The following MAPK4 variants were observed in gnomAD, a reference collection of about 807,000 sequenced individuals.
MAPK4 encodes mitogen-activated protein kinase 4.
In MAPK4, 22 loss-of-function variants were observed where a neutral mutation model predicts 47.7. The ratio of observed to expected loss-of-function variants is 0.46; its 90% CI spans 0.33 to 0.66. The LOEUF is 0.66. Ranked by LOEUF, MAPK4 falls within the 30% of genes least tolerant of loss-of-function variation. The probability of loss-of-function intolerance (pLI) is 0.02; values close to 1 mark genes in which losing one functional copy is unlikely to be tolerated. For synonymous variants in MAPK4, 390 were observed against 365.7 expected, an observed-to-expected ratio of 1.07 and a Z score of -0.76; for missense variants, 736 against 831.7, an observed-to-expected ratio of 0.88 and a Z score of 1.42.
At chr18:50,602,178 C>T (rs912483569) in intron 1 of MAPK4, among the ~76,000 whole-genome samples, 2 of 152,148 alleles carry the variant, frequency 1.3e-5, no homozygotes, top group African/African-American at 2.4e-5. Flanking sequence ...CAGATCTTCC[C>T]AGAGAGTCAC....
At chr18:50,693,965 C>CAGGAGCTGCTGT (rs1353596589) in intron 2 of MAPK4, among the ~76,000 whole-genome samples, 4 of 152,186 alleles carry the variant, frequency 2.6e-5, no homozygotes, top group Admixed American at 2.6e-4. Context: ...AGGAGGGTTG[C>CAGGAGCTGCTGT]AGGAGCTGCT....
At chr18:50,726,196 C>T (rs1911190193) in intron 5 of MAPK4, 21 bp downstream of exon 5, 1 of 1,610,120 alleles carries the variant, frequency 6.2e-7, no homozygotes, top group Non-Finnish European at 8.5e-7. Flanking sequence ...CCCTGGGTTC[C>T]AGAGCCCACA....
chr18:50,670,273 G>A (rs1336317894), intron 2 of MAPK4: 1 of 152,176 alleles, frequency 6.6e-6, no homozygotes, highest in Non-Finnish European at 1.5e-5. Flanking sequence ...AAGAAGGAAA[G>A]GAAGAGGAAG....
chr18:50,600,923 C>T (rs2042530843), intron 1 of MAPK4, among the ~76,000 whole-genome samples: 1 of 151,584 alleles, frequency 6.6e-6, no homozygotes, highest in East Asian at 1.9e-4. Context: ...TAAACTTGCA[C>T]ATTAAATGTT....
At chr18:50,721,026 G>C (rs186114203) in intron 3 of MAPK4, among the ~76,000 whole-genome samples, 1 of 152,312 alleles carries the variant, frequency 6.6e-6, no homozygotes, top group Admixed American at 6.5e-5. Flanking sequence ...TGAGGAAGGA[G>C]AGGTATGGCT....
At chr18:50,672,934 C>G (rs1175970620) in intron 2 of MAPK4, among the ~76,000 whole-genome samples, 3 of 152,204 alleles carry the variant, frequency 2.0e-5, no homozygotes, top group African/African-American at 4.8e-5. Flanking sequence ...TTCCCCCTTT[C>G]CAATGTGCCT....
chr18:50,643,076 C>T (rs1036379624), intron 1 of MAPK4, among the ~76,000 whole-genome samples: 4 of 152,228 alleles, frequency 2.6e-5, no homozygotes, highest in African/African-American at 9.6e-5. Flanking sequence ...TTTCCTCTAC[C>T]TCCCCAATAT....
chr18:50,702,774 T>C (rs1379345506), intron 2 of MAPK4, among the ~76,000 whole-genome samples: 1 of 152,172 alleles, frequency 6.6e-6, no homozygotes, highest in Non-Finnish European at 1.5e-5. Flanking sequence ...TGAACCAGCA[T>C]ACTTACTGCC....
In MAPK4 at chr18:50,686,946, T is replaced by TTG. The variant is rs756925613; in HGVS notation, c.546+22452_546+22453dup. On this transcript the variant is annotated intron_variant, in intron 2 of 5. Coordinates refer to ENST00000400384, the MANE Select transcript of MAPK4 (RefSeq NM_002747.4). ...AAGCCCAGATGGAGACGGCCAAGGA[T>TTG]TGTGTGTGTGTTTTATATATGTATG... Among the ~76,000 whole-genome samples the TTG allele has an allele frequency of 9.8e-5, 15 of 152,294 alleles. No homozygotes were observed. The South Asian group carries it at 1.2e-3, about 13-fold the overall frequency.
chr18:50,665,399 G>A (rs1907543633), intron 2 of MAPK4, among the ~76,000 whole-genome samples: 1 of 152,148 alleles, frequency 6.6e-6, no homozygotes, highest in Non-Finnish European at 1.5e-5. Context: ...GGGGCTGGCT[G>A]TGGCTTCCAG....
At chr18:50,637,059 G>A (rs893783800) in intron 1 of MAPK4, among the ~76,000 whole-genome samples, 2 of 151,444 alleles carry the variant, frequency 1.3e-5, no homozygotes, top group Non-Finnish European at 3.0e-5. Flanking sequence ...GCACTGGTGA[G>A]AACACTGGAC....
Position 50,664,080 on chromosome 18 carries a change from G to A in MAPK4, c.122G>A (p.Arg41Gln), listed in dbSNP as rs199879399. 3.3e-5 allele frequency: 54 copies of A among 1,613,878 alleles called. No homozygotes were observed. The highest frequency in any genetic ancestry group is 4.3e-5 in the Non-Finnish European group (51 of 1,180,032). ...TTGGTGCTGTCGGCCGTGGACAGCC[G>A]GGCCTGCCGGAAGGTCGCTGTGAAG... ...NGLVLSAVDS[R>Q]ACRKVAVKKI... Residue 41 changes from arginine (R) to glutamine (Q), a missense_variant, in exon 2 of 6, where the codon CGG (arginine) becomes CAG (glutamine). By Grantham distance (43) the Arg-to-Gln change is conservative (BLOSUM62 1). Around this residue, in one of 3 missense-constraint regions of MAPK4, gnomAD observed 327 missense variants for 395.4 expected, o/e 0.83. Transcript: ENST00000400384. The surrounding 1 kb of genome is among the most constrained non-coding windows in gnomAD (Gnocchi z 6.0).
At chr18:50,633,674 C>A (rs904503352) in intron 1 of MAPK4, among the ~76,000 whole-genome samples, 2 of 152,164 alleles carry the variant, frequency 1.3e-5, no homozygotes, top group Non-Finnish European at 2.9e-5. Context: ...CTTTGCACTG[C>A]CTAAGGGATA....
chr18:50,601,555 C>T (rs1316537994), intron 1 of MAPK4, among the ~76,000 whole-genome samples: 2 of 152,086 alleles, frequency 1.3e-5, no homozygotes, highest in Non-Finnish European at 2.9e-5. Flanking sequence ...TTTTGGGTGT[C>T]CTCCTGCAGG....
intron 1 of MAPK4, among the ~76,000 whole-genome samples, chr18:50,600,344 G>A (rs552961790): frequency 2.6e-5 from 4 of 152,240 alleles, no homozygotes; most frequent in Admixed American, 1.3e-4. Flanking sequence ...GAAACTAACC[G>A]ACACATAGCT....
intron 1 of MAPK4, among the ~76,000 whole-genome samples, chr18:50,567,401 C>T (rs953618607): frequency 5.9e-5 from 9 of 152,154 alleles, no homozygotes; most frequent in Non-Finnish European, 1.0e-4. Context: ...AAGTTTGCTC[C>T]TAATTTCTCC....
chr18:50,644,620 T>C (rs903108521), intron 1 of MAPK4, among the ~76,000 whole-genome samples: 1 of 152,130 alleles, frequency 6.6e-6, no homozygotes, highest in Non-Finnish European at 1.5e-5. Context: ...ATCGCCAAAA[T>C]AGCCAAAGTG....
At chr18:50,566,098 C>T (rs1353652574) in intron 1 of MAPK4, among the ~76,000 whole-genome samples, 5 of 151,992 alleles carry the variant, frequency 3.3e-5, no homozygotes, top group Non-Finnish European at 5.9e-5. Context: ...AATGCCTGGC[C>T]CTGCACAAGA....
intron 2 of MAPK4, among the ~76,000 whole-genome samples, chr18:50,689,432 A>G (rs1909088737): frequency 6.7e-6 from 1 of 148,548 alleles, no homozygotes; most frequent in East Asian, 2.0e-4. Flanking sequence ...AAAAAAAGCT[A>G]TTCTGCTGCC....
Sources: allele counts gnomAD v4.1 joint callset (sites outside exome capture counted in the v4.1 genomes callset), GRCh38; gene constraint gnomAD v4.1.1; regional missense constraint gnomAD v4.1.1; non-coding constraint Gnocchi (gnomAD v3.1); transcripts MANE v1.5; gene names NCBI Gene and HGNC (gene_info 2026-07-23, HGNC 2026-07-21).